STAT4: variants seen among roughly 807,000 people sequenced by gnomAD.
STAT4 encodes signal transducer and activator of transcription 4.
STAT4 carries 42 observed loss-of-function variants against 110.5 expected under a neutral mutation model. The observed-to-expected ratio is 0.38, with a 90% CI of 0.30 to 0.49. The LOEUF (loss-of-function observed/expected upper bound fraction) is 0.49. Among genes scored for constraint, STAT4 ranks in the 20% least tolerant of loss-of-function variants. The pLI is 0.95. For missense variants in STAT4, 632 were observed against 887.9 expected (o/e 0.71, Z 3.66); for synonymous variants, 284 against 302.2 (o/e 0.94, Z 0.63).
At chr2:191,079,234 G>GACACACACACACACAC (rs1697397406) in intron 3 of STAT4, among the ~76,000 whole-genome samples, 1 of 26,988 alleles carries the variant, frequency 3.7e-5, no homozygotes, top group Non-Finnish European at 2.0e-4. Context: ...AACTTGTCAA[G>GACACACACACACACAC]TCACGCACAC....
chr2:191,133,724 A>G (rs1481820186), intron 3 of STAT4, among the ~76,000 whole-genome samples: 1 of 151,772 alleles, frequency 6.6e-6, no homozygotes, highest in East Asian at 1.9e-4. Context: ...GAAGGTGAAT[A>G]AGGAAAAGGG....
intron 14 of STAT4, among the ~76,000 whole-genome samples, chr2:191,045,722 A>G (rs556243634): frequency 6.6e-6 from 1 of 152,328 alleles, no homozygotes; most frequent in South Asian, 2.1e-4. Context: ...TGCTACATTT[A>G]AGATTCGTTA....
At chr2:191,038,164 C>G (rs73981215) in intron 16 of STAT4, among the ~76,000 whole-genome samples, 1 of 152,108 alleles carries the variant, frequency 6.6e-6, no homozygotes, top group African/African-American at 2.4e-5. Flanking sequence ...ATGTGTAGAT[C>G]TAATGGGGAT....
At chr2:191,136,433 C>A (rs1407692588) in intron 3 of STAT4, among the ~76,000 whole-genome samples, 1 of 152,170 alleles carries the variant, frequency 6.6e-6, no homozygotes, top group Non-Finnish European at 1.5e-5. Flanking sequence ...ATAAAAGGCA[C>A]CCAAACTGGA....
chr2:191,102,734 T>C (rs1395618617), intron 3 of STAT4, among the ~76,000 whole-genome samples: 2 of 152,232 alleles, frequency 1.3e-5, no homozygotes, highest in African/African-American at 4.8e-5. Context: ...CATACTTTAA[T>C]TGAATCTCTC....
chr2:191,059,240 T>C lies in STAT4; in HGVS notation c.1035-471A>G, dbSNP rs1696784856. Among the ~76,000 whole-genome samples, 1 of 152,158 alleles carries C rather than the reference T, an allele frequency of 6.6e-6. No homozygotes were observed. Among genetic ancestry groups the C allele is most frequent in the Non-Finnish European group, 1.5e-5 (1 of 68,020 alleles). On this transcript the variant is annotated intron_variant, in intron 10 of 23. Transcript: ENST00000392320. The surrounding 1 kb of genome is among the most constrained non-coding windows in gnomAD (Gnocchi z 4.7). The stretch of plus-strand genomic sequence containing the variant: ...GTAGTAAAATATGGAAAATCCCAAC[T>C]TGAATACATTTGAAACACTTTCAAA...
chr2:191,033,013 A>G lies in STAT4; in HGVS notation c.1989T>C (p.Pro663=). 9.3e-6 allele frequency: 15 copies of G among 1,614,216 alleles called. No individual in the cohort carries two copies. Among genetic ancestry groups the G allele is most frequent in the Non-Finnish European group, 1.3e-5 (15 of 1,180,022 alleles). The change falls in exon 21 of 24, where the codon CCT becomes CCC. Residue 663 remains proline (P), a synonymous_variant. Coordinates refer to ENST00000392320, the MANE Select transcript of STAT4 (RefSeq NM_003151.4). This position sits in a 1 kb window ranked among gnomAD's most constrained non-coding sequence, Gnocchi z 6.9. ...IPENPLKYLY[P]DIPKDKAFGK... ...CGAAGGCTTTGTCTTTGGGAATGTC[A>G]GGATATAGGTACTTCAGAGGGTTTT...
chr2:191,085,067 T>C (rs1482507318), intron 3 of STAT4, among the ~76,000 whole-genome samples: 1 of 149,408 alleles, frequency 6.7e-6, no homozygotes, highest in Non-Finnish European at 1.5e-5. Context: ...AAAAAAAAAA[T>C]GGGAGAGAGA....
At chr2:191,034,464 CA>C in intron 18 of STAT4, 83 bp downstream of exon 18, 1 of 973,040 alleles carries the variant, frequency 1.0e-6, no homozygotes, top group South Asian at 1.4e-5. Flanking sequence ...GGGAAATTCT[CA>C]AAACCCCATG....
chr2:191,141,928 A>G (rs181252943), intron 3 of STAT4, among the ~76,000 whole-genome samples: 5 of 152,258 alleles, frequency 3.3e-5, no homozygotes, highest in Admixed American at 3.3e-4. Flanking sequence ...TAAAAAGACA[A>G]AAAATGACAT....
At chr2:191,036,141 CCT>C (rs755204309) in intron 17 of STAT4, 21 bp downstream of exon 17, 5 of 1,608,438 alleles carry the variant, frequency 3.1e-6, no homozygotes, top group Non-Finnish European at 4.2e-6. Flanking sequence ...AGAGGCAAAT[CCT>C]CTCTATCTAC....
At position 191,138,709 on chromosome 2, in the gene STAT4, A is replaced by G. The variant is rs937421553; in HGVS notation, c.273+7904T>C. ...AAGAATTGGTACCAGTCCCACTGAA[A>G]CTATTGCAAAAGATAGTGAAAGAGG... On this transcript the variant is annotated intron_variant, in intron 3 of 23. Coordinates refer to ENST00000392320, the MANE Select transcript of STAT4 (RefSeq NM_003151.4). This position sits in a 1 kb window ranked among gnomAD's most constrained non-coding sequence, Gnocchi z 4.3. 2.6e-5 allele frequency among the ~76,000 whole-genome samples: 4 copies of G among 152,140 alleles called. No homozygotes were observed. The highest frequency in any genetic ancestry group is 2.6e-4 in the Admixed American group (4 of 15,282).
Position 191,029,697 on chromosome 2 carries a change from G to A in STAT4, c.*143C>T. On this transcript the variant is annotated 3_prime_UTR_variant, in exon 24 of 24. Transcript: ENST00000392320. This position sits in a 1 kb window ranked among gnomAD's most constrained non-coding sequence, Gnocchi z 4.5. ...CTCCCAATTGAGGAGTGCCACGGGA[G>A]TGTGAAGAGAGCTTCAGATGTCAAA... 1.3e-6 allele frequency: 1 copy of A among 742,944 alleles called. No individual in the cohort carries two copies. 46.0% of individuals were successfully genotyped at this position (742,944 alleles called of 1,614,324 possible).
At chr2:191,054,080 A>G (rs1696603731) in intron 14 of STAT4, among the ~76,000 whole-genome samples, 1 of 150,830 alleles carries the variant, frequency 6.6e-6, no homozygotes, top group Non-Finnish European at 1.5e-5. Context: ...GTGAACCAAG[A>G]TCTCACCGCT....
intron 1 of STAT4, among the ~76,000 whole-genome samples, chr2:191,148,500 G>A (rs1276461171): frequency 1.3e-5 from 2 of 152,060 alleles, no homozygotes; most frequent in African/African-American, 2.4e-5. Flanking sequence ...AGCTGTCTAT[G>A]TGAATTTCTA....
Position 191,091,875 on chromosome 2 carries a change from G to C in STAT4, c.274-15550C>G, listed in dbSNP as rs1697807275. Among the ~76,000 whole-genome samples the C allele has an allele frequency of 2.6e-5, 4 of 152,208 alleles. No homozygotes were observed. Among genetic ancestry groups the C allele is most frequent in the African/African-American group, 9.6e-5 (4 of 41,490 alleles). On this transcript the variant is annotated intron_variant, in intron 3 of 23. Coordinates refer to ENST00000392320, the MANE Select transcript of STAT4 (RefSeq NM_003151.4). The surrounding 1 kb of genome is among the most constrained non-coding windows in gnomAD (Gnocchi z 5.4). Reference sequence around the variant, plus strand: ...CAAGTTCATTGTCTCTAAGCTGAAGGGAGGAGAACTTGTCTTATAATATAT... The same window carrying C: ...CAAGTTCATTGTCTCTAAGCTGAAGCGAGGAGAACTTGTCTTATAATATAT...
chr2:191,084,515 A>G (rs1697581489), intron 3 of STAT4, among the ~76,000 whole-genome samples: 1 of 152,304 alleles, frequency 6.6e-6, no homozygotes, highest in East Asian at 1.9e-4. Context: ...AAAAAAAGGT[A>G]AAGTGTATTT....
At position 191,054,511 on chromosome 2, in the gene STAT4, A is replaced by G. The variant is rs773531490; in HGVS notation, c.1230T>C (p.Ser410=). ...CTACCTCATTTCCTTTACCTCCAGC[A>G]CTGGACTTCATTTCCTTTGGTTGCT... ...RHLQPKEMKS[S]AGGKGNEGCH... Residue 410 remains serine, a synonymous_variant, in exon 14 of 24, where the codon AGT becomes AGC. Transcript: ENST00000392320. The G allele has an allele frequency of 1.9e-6, 3 of 1,612,684 alleles. No individual in the cohort carries two copies. The South Asian group carries it at 3.3e-5, about 18-fold the overall frequency.
rs1699294983 is a variant in STAT4, at chr2:191,140,537, T to C, written c.273+6076A>G. On this transcript the variant is annotated intron_variant, in intron 3 of 23. Transcript: ENST00000392320. This position sits in a 1 kb window ranked among gnomAD's most constrained non-coding sequence, Gnocchi z 4.4. Reference sequence around the variant, plus strand: ...GTAAAATACAAATTAAAAACCACAATGAGATACCACCTTACTCCTGCGAGA... The same window carrying C: ...GTAAAATACAAATTAAAAACCACAACGAGATACCACCTTACTCCTGCGAGA... Among the ~76,000 whole-genome samples the C allele has an allele frequency of 1.3e-5, 2 of 152,010 alleles. No individual in the cohort carries two copies. The highest frequency in any genetic ancestry group is 4.8e-5 in the African/African-American group (2 of 41,358).
Sources: gnomAD v4.1 joint callset for allele counts (sites outside exome capture counted in the v4.1 genomes callset) on GRCh38, gnomAD v4.1.1 for gene constraint, Gnocchi (gnomAD v3.1) non-coding constraint, MANE v1.5 for transcripts, NCBI Gene and HGNC (gene_info 2026-07-23, HGNC 2026-07-21) for gene names.